Variants in DRC9 observed in about 807,000 individuals in gnomAD.
The protein encoded by DRC9 is dynein regulatory complex subunit 9.
chr3:197,912,922 G>A, the DRC9 span: 28 of 624,778 alleles, frequency 4.5e-5, no homozygotes, highest in Non-Finnish European at 7.4e-5. Context: ...CACGTGGCGC[G>A]GCACTGTGTG....
chr3:197,948,228 C>T, the DRC9 span, among the ~76,000 whole-genome samples: 4 of 152,166 alleles, frequency 2.6e-5, no homozygotes, highest in East Asian at 1.9e-4. Context: ...CCACTGCGCC[C>T]GGCCCATACT....
the DRC9 span, among the ~76,000 whole-genome samples, chr3:197,911,156 A>G: frequency 6.6e-6 from 1 of 152,120 alleles, no homozygotes; most frequent in Non-Finnish European, 1.5e-5. Context: ...GAAAAATGTT[A>G]TGTTCACCTG....
chr3:197,943,667 A>AAG, the DRC9 span: 4 of 963,328 alleles, frequency 4.2e-6, no homozygotes, highest in African/African-American at 1.7e-5. Context: ...CAAAGAAGGA[A>AAG]AGAGAGAGAG....
the DRC9 span, chr3:197,889,575 C>T: frequency 6.2e-7 from 1 of 1,614,196 alleles, no homozygotes; most frequent in Admixed American, 1.7e-5. Flanking sequence ...CAAAAGAGAA[C>T]TTGGTCACTT....
chr3:197,946,616 A>ACG, the DRC9 span, among the ~76,000 whole-genome samples: 1 of 152,088 alleles, frequency 6.6e-6, no homozygotes, highest in African/African-American at 2.4e-5. Flanking sequence ...TGAGTTTCCA[A>ACG]TGTAAATTTG....
chr3:197,889,229 A>G, the DRC9 span: 3 of 232,584 alleles, frequency 1.3e-5, no homozygotes, highest in African/African-American at 6.6e-5. Flanking sequence ...AAAATCTGAC[A>G]TTACAGGAAT....
chr3:197,939,388 C>A, the DRC9 span, among the ~76,000 whole-genome samples: 2 of 152,114 alleles, frequency 1.3e-5, no homozygotes, highest in Admixed American at 6.5e-5. Context: ...AGGGAAAAGC[C>A]AAAATAATTT....
the DRC9 span, among the ~76,000 whole-genome samples, chr3:197,893,901 C>A: frequency 3.3e-5 from 5 of 152,092 alleles, no homozygotes; most frequent in Admixed American, 3.3e-4. Context: ...AGATTCTACA[C>A]ATAGCCAACC....
the DRC9 span, among the ~76,000 whole-genome samples, chr3:197,910,796 A>G: frequency 6.6e-6 from 1 of 152,136 alleles, no homozygotes; most frequent in Non-Finnish European, 1.5e-5. Context: ...CCTGGTCAAC[A>G]CAGTGAAACC....
At chr3:197,904,126 G>T in the DRC9 span, among the ~76,000 whole-genome samples, 4 of 135,088 alleles carry the variant, frequency 3.0e-5, no homozygotes, top group Non-Finnish European at 3.1e-5. Context: ...TTTTTTAAAG[G>T]GCCAAAGATC....
At chr3:197,958,080 T>TTA in the DRC9 span, 1 of 152,140 alleles carries the variant, frequency 6.6e-6, no homozygotes, top group Non-Finnish European at 1.5e-5. Context: ...ATTTTAAAAT[T>TTA]TACTCATTTG....
At chr3:197,922,858 A>T in the DRC9 span, among the ~76,000 whole-genome samples, 2 of 152,042 alleles carry the variant, frequency 1.3e-5, no homozygotes, top group Non-Finnish European at 2.9e-5. Flanking sequence ...AAATTATGAG[A>T]GTTTTTCAGG....
At chr3:197,923,597 G>A in the DRC9 span, among the ~76,000 whole-genome samples, 1 of 152,088 alleles carries the variant, frequency 6.6e-6, no homozygotes, top group Admixed American at 6.5e-5. Context: ...TGGGTGTGGT[G>A]GCAGGTGCCT....
the DRC9 span, among the ~76,000 whole-genome samples, chr3:197,935,597 C>A: frequency 6.6e-6 from 1 of 152,086 alleles, no homozygotes; most frequent in African/African-American, 2.4e-5. Flanking sequence ...GGTCCTCCCC[C>A]GCCTCAGCCT....
chr3:197,923,158 G>A, the DRC9 span, among the ~76,000 whole-genome samples: 1 of 152,124 alleles, frequency 6.6e-6, no homozygotes, highest in African/African-American at 2.4e-5. Flanking sequence ...TCACTCTGTT[G>A]CCCAGGCTGC....
the DRC9 span, among the ~76,000 whole-genome samples, chr3:197,907,516 C>G: frequency 6.6e-6 from 1 of 152,342 alleles, no homozygotes; most frequent in Non-Finnish European, 1.5e-5. Context: ...GGATCTAACA[C>G]TCTTAGAATC....
chr3:197,933,010 T>C, the DRC9 span, among the ~76,000 whole-genome samples: 8 of 141,702 alleles, frequency 5.6e-5, no homozygotes, highest in South Asian at 1.7e-3. Context: ...ATATGTATAA[T>C]ATATATTAAT....
the DRC9 span, among the ~76,000 whole-genome samples, chr3:197,919,367 C>T: frequency 2.6e-5 from 4 of 152,190 alleles, no homozygotes; most frequent in African/African-American, 9.7e-5. Context: ...CCTCTTCTTC[C>T]CAGTGTGTGA....
chr3:197,919,061 G>A, the DRC9 span, among the ~76,000 whole-genome samples: 1 of 152,134 alleles, frequency 6.6e-6, no homozygotes, highest in African/African-American at 2.4e-5. Flanking sequence ...ACCTGCCTCG[G>A]CCTCCCAAAG....
Sources: allele counts gnomAD v4.1 joint callset (sites outside exome capture counted in the v4.1 genomes callset), GRCh38; gene constraint gnomAD v4.1.1; transcripts MANE v1.5; gene names NCBI Gene and HGNC (gene_info 2026-07-23, HGNC 2026-07-21).